KSR2: variants seen among roughly 807,000 people sequenced by gnomAD.
KSR2 encodes kinase suppressor of ras 2.
A neutral mutation model predicts 107.8 loss-of-function variants in KSR2; 25 were observed. That is an observed-to-expected ratio of 0.23 (90% CI 0.17 to 0.32). The LOEUF is 0.32. Ranked by LOEUF, KSR2 falls within the 10% of genes least tolerant of loss-of-function variation. KSR2 has a pLI of 1.00. For missense variants in KSR2, 887 were observed against 1,268.9 expected, an observed-to-expected ratio of 0.70 and a Z score of 4.57; for synonymous variants, 480 against 507.0, an observed-to-expected ratio of 0.95 and a Z score of 0.71.
chr12:117,815,248 T>C (rs191430309), intron 3 of KSR2, among the ~76,000 whole-genome samples: 1 of 152,332 alleles, frequency 6.6e-6, no homozygotes. Flanking sequence ...AGCAAAAGAT[T>C]GCAATCGACC....
At chr12:117,654,206 T>C (rs908218465) in intron 5 of KSR2, among the ~76,000 whole-genome samples, 1 of 152,184 alleles carries the variant, frequency 6.6e-6, no homozygotes, top group South Asian at 2.1e-4. Flanking sequence ...CATGTAGCCA[T>C]AAAGTGAGTC....
intron 14 of KSR2, among the ~76,000 whole-genome samples, chr12:117,510,758 G>C (rs1021888955): frequency 5.3e-5 from 8 of 152,050 alleles, no homozygotes; most frequent in Non-Finnish European, 1.0e-4. Context: ...TGTGCCTGTG[G>C]TCCCAACTAC....
chr12:117,690,140 C>T (rs1359468998), intron 4 of KSR2, among the ~76,000 whole-genome samples: 1 of 152,202 alleles, frequency 6.6e-6, no homozygotes, highest in Non-Finnish European at 1.5e-5. Flanking sequence ...TGGCCACAGT[C>T]TTCCAACCTC....
chr12:117,959,034 T>C (rs1000873489), intron 1 of KSR2, among the ~76,000 whole-genome samples: 2 of 152,218 alleles, frequency 1.3e-5, no homozygotes, highest in Non-Finnish European at 2.9e-5. Context: ...TCTAAGGTAA[T>C]GGATAGCCCA....
At chr12:117,768,140 G>T (rs2136900591) in intron 3 of KSR2, among the ~76,000 whole-genome samples, 1 of 152,348 alleles carries the variant, frequency 6.6e-6, no homozygotes, top group South Asian at 2.1e-4. Flanking sequence ...ACTTTCTGTA[G>T]GGGCCGATAT....
intron 3 of KSR2, among the ~76,000 whole-genome samples, chr12:117,806,169 A>G (rs533976427): frequency 3.3e-5 from 5 of 152,282 alleles, no homozygotes; most frequent in African/African-American, 9.6e-5. Context: ...AGATGAGTAT[A>G]AGGACAGATC....
At chr12:117,611,767 C>G (rs1881615144) in intron 5 of KSR2, among the ~76,000 whole-genome samples, 1 of 152,166 alleles carries the variant, frequency 6.6e-6, no homozygotes, top group Non-Finnish European at 1.5e-5. Flanking sequence ...TTAAAATCAC[C>G]TTTGTGATTT....
intron 1 of KSR2, among the ~76,000 whole-genome samples, chr12:117,939,940 T>TAA (rs752170149): frequency 2.9e-5 from 3 of 104,938 alleles, no homozygotes; most frequent in Non-Finnish European, 5.5e-5. Flanking sequence ...GACTCCATCT[T>TAA]AAAAACACAC....
intron 5 of KSR2, among the ~76,000 whole-genome samples, chr12:117,591,311 AT>A (rs1448343717): frequency 1.3e-5 from 2 of 152,104 alleles, no homozygotes; most frequent in Non-Finnish European, 2.9e-5. Context: ...TTGTCACTCT[AT>A]CAAAGCAGAG....
At chr12:117,612,935 C>T (rs927800033) in intron 5 of KSR2, among the ~76,000 whole-genome samples, 7 of 152,200 alleles carry the variant, frequency 4.6e-5, no homozygotes, top group African/African-American at 1.7e-4. Flanking sequence ...ATGTACCTTG[C>T]TTCCCCTTTT....
At chr12:117,762,757 C>G (rs1889086260) in intron 3 of KSR2, among the ~76,000 whole-genome samples, 1 of 151,840 alleles carries the variant, frequency 6.6e-6, no homozygotes, top group South Asian at 2.1e-4. Context: ...ATCCCAGCTA[C>G]TCAGAAGGCT....
chr12:117,817,892 G>A (rs987769966), intron 3 of KSR2, among the ~76,000 whole-genome samples: 2 of 152,130 alleles, frequency 1.3e-5, no homozygotes, highest in Non-Finnish European at 1.5e-5. Flanking sequence ...CTTGAGGTCA[G>A]GAGTTCAAGA....
At position 117,842,613 on chromosome 12, in the gene KSR2, A is replaced by G. The variant is rs558055133; in HGVS notation, c.472+12815T>C. Among the ~76,000 whole-genome samples, 8 of 152,306 alleles carry G rather than the reference A, an allele frequency of 5.3e-5. No individual in the cohort carries two copies. Among genetic ancestry groups the G allele is most frequent in the African/African-American group, 1.9e-4 (8 of 41,566 alleles). On this transcript the variant is annotated intron_variant, in intron 3 of 19. Coordinates refer to ENST00000339824, the MANE Select transcript of KSR2 (RefSeq NM_173598.6). The surrounding 1 kb of genome is among the most constrained non-coding windows in gnomAD (Gnocchi z 4.2). ...AAGTTCAATGTCAATTCTGCACCCA[A>G]TTCTTCTGCCCAGCACCTCGTGGAT...
chr12:117,597,834 C>T (rs1406244965), intron 5 of KSR2, among the ~76,000 whole-genome samples: 4 of 152,168 alleles, frequency 2.6e-5, no homozygotes, highest in African/African-American at 9.7e-5. Context: ...CATAAATGGA[C>T]ATTTATTTAT....
intron 7 of KSR2, among the ~76,000 whole-genome samples, chr12:117,566,033 C>T (rs548311918): frequency 7.0e-4 from 106 of 152,158 alleles, no homozygotes; most frequent in African/African-American, 2.2e-3. Flanking sequence ...TGTCGTGCCA[C>T]GGGGATTTGT....
chr12:117,468,918 G>A (rs1008211227), intron 19 of KSR2, among the ~76,000 whole-genome samples: 3 of 152,210 alleles, frequency 2.0e-5, no homozygotes, highest in African/African-American at 7.2e-5. Flanking sequence ...CTGCATGAGT[G>A]TGAGTACCTG....
At chr12:117,870,955 T>C (rs1471205251) in intron 1 of KSR2, among the ~76,000 whole-genome samples, 1 of 152,166 alleles carries the variant, frequency 6.6e-6, no homozygotes, top group Non-Finnish European at 1.5e-5. Flanking sequence ...TGAAGCTGTG[T>C]TGGGCAGAGA....
intron 4 of KSR2, among the ~76,000 whole-genome samples, chr12:117,742,507 A>AATGGATGG (rs1382158537): frequency 1.5e-5 from 2 of 133,882 alleles, no homozygotes; most frequent in Non-Finnish European, 3.2e-5. Flanking sequence ...GGATGGATAA[A>AATGGATGG]ATGGATGGAT....
intron 3 of KSR2, among the ~76,000 whole-genome samples, chr12:117,798,709 C>CAAA (rs749755380): frequency 0.022 from 2,574 of 116,958 alleles, 30 homozygotes; most frequent in African/African-American, 0.028. Context: ...GCAAAAAGTC[C>CAAA]AAAAAAAAAA....
Sources: gnomAD v4.1 joint callset for allele counts (sites outside exome capture counted in the v4.1 genomes callset) on GRCh38, gnomAD v4.1.1 for gene constraint, Gnocchi (gnomAD v3.1) non-coding constraint, MANE v1.5 for transcripts, NCBI Gene and HGNC (gene_info 2026-07-23, HGNC 2026-07-21) for gene names.